Variants in NKAIN3 observed in about 807,000 individuals in gnomAD.
The protein encoded by NKAIN3 is sodium/potassium transporting ATPase interacting 3.
NKAIN3 carries 25 observed loss-of-function variants against 30.2 expected under a neutral mutation model. The observed-to-expected ratio is 0.83, with a 90% confidence interval of 0.60 to 1.16. NKAIN3 has a LOEUF of 1.16. Ranked by LOEUF, NKAIN3 falls within the 50% of genes most tolerant of loss-of-function variation. The pLI, the probability that NKAIN3 is intolerant of heterozygous loss-of-function variation, is 0.00. For synonymous variants in NKAIN3, 91 were observed against 89.6 expected (o/e 1.02, Z -0.09); for missense variants, 225 against 254.1 (o/e 0.89, Z 0.78).
rs977993717 is a variant in NKAIN3, at chr8:62,965,306, G to T, written c.604-48G>T. On this transcript the variant is annotated intron_variant, in intron 6 of 6. Coordinates refer to ENST00000623646, the MANE Select transcript of NKAIN3 (RefSeq NM_001304533.3). Reference sequence around the variant, plus strand: ...CCTCAATGAATATAAAAGATATTTAGCTGTCAGCTTTGAAGTTCTTGAAAG... The same window carrying T: ...CCTCAATGAATATAAAAGATATTTATCTGTCAGCTTTGAAGTTCTTGAAAG... 3.0e-6 allele frequency: 3 copies of T among 985,688 alleles called. No homozygotes were observed. In the African/African-American group the frequency reaches 5.2e-5, roughly 17 times the overall value. 61.1% of individuals were successfully genotyped at this position (985,688 alleles called of 1,614,324 possible).
At chr8:62,622,568 G>A (rs1360998030) in intron 3 of NKAIN3, among the ~76,000 whole-genome samples, 1 of 151,884 alleles carries the variant, frequency 6.6e-6, no homozygotes, top group Non-Finnish European at 1.5e-5. Flanking sequence ...GTGCTTATTT[G>A]CTGTTGATAA....
intron 3 of NKAIN3, among the ~76,000 whole-genome samples, chr8:62,632,504 A>C (rs1811991999): frequency 6.6e-6 from 1 of 152,020 alleles, no homozygotes; most frequent in Admixed American, 6.6e-5. Flanking sequence ...TGATTTACAA[A>C]TGTCTTTTTT....
At chr8:62,303,365 C>T (rs989240903) in intron 1 of NKAIN3, among the ~76,000 whole-genome samples, 1 of 150,412 alleles carries the variant, frequency 6.6e-6, no homozygotes, top group South Asian at 2.1e-4. Flanking sequence ...CATTTCCTAT[C>T]TCATGTATTT....
chr8:62,663,095 G>A (rs1373856788), intron 3 of NKAIN3, among the ~76,000 whole-genome samples: 2 of 152,198 alleles, frequency 1.3e-5, no homozygotes, highest in African/African-American at 4.8e-5. Flanking sequence ...GCATGGGAAG[G>A]CGTAAGAAAG....
intron 1 of NKAIN3, among the ~76,000 whole-genome samples, chr8:62,515,986 G>A (rs1346176086): frequency 6.6e-6 from 1 of 151,940 alleles, no homozygotes; most frequent in Admixed American, 6.6e-5. Flanking sequence ...ATCTTTCCCA[G>A]TCTGTGATCT....
intron 4 of NKAIN3, among the ~76,000 whole-genome samples, chr8:62,908,669 T>C (rs999562650): frequency 7.2e-5 from 11 of 152,174 alleles, no homozygotes; most frequent in Non-Finnish European, 1.5e-4. Context: ...CCTCCCACCA[T>C]GTAAGACATG....
At chr8:62,955,825 G>T (rs1823404618) in intron 6 of NKAIN3, among the ~76,000 whole-genome samples, 1 of 152,126 alleles carries the variant, frequency 6.6e-6, no homozygotes, top group Non-Finnish European at 1.5e-5. Context: ...AAAAGGCTTT[G>T]ATCAACTCCA....
intron 3 of NKAIN3, among the ~76,000 whole-genome samples, chr8:62,617,739 A>G (rs564441493): frequency 2.0e-5 from 3 of 152,212 alleles, no homozygotes; most frequent in African/African-American, 7.2e-5. Context: ...TATAGTCATT[A>G]TTGACAGCTT....
intron 3 of NKAIN3, among the ~76,000 whole-genome samples, chr8:62,665,465 C>T (rs1197967311): frequency 2.6e-5 from 4 of 152,200 alleles, no homozygotes; most frequent in Non-Finnish European, 1.5e-5. Context: ...CTATCACCTG[C>T]TTTGCATAAT....
At chr8:62,684,458 C>T (rs1025419939) in intron 3 of NKAIN3, among the ~76,000 whole-genome samples, 2 of 152,110 alleles carry the variant, frequency 1.3e-5, no homozygotes, top group Non-Finnish European at 2.9e-5. Context: ...CCTTGTTAGT[C>T]TGAGTGTGTA....
intron 4 of NKAIN3, among the ~76,000 whole-genome samples, chr8:62,797,113 C>A (rs1817887115): frequency 6.6e-6 from 1 of 152,152 alleles, no homozygotes; most frequent in South Asian, 2.1e-4. Context: ...AGCAGAATTT[C>A]TTTGTTTCCG....
Position 62,428,406 on chromosome 8 carries a change from G to T in NKAIN3, c.55-151133G>T, listed in dbSNP as rs77194869. ...ATGGTAGTTCTACTTTTAGTTTTTT[G>T]AAAAACCTCCATATGAGTTTTCACA... is the stretch of plus-strand genomic sequence containing the variant. On this transcript the variant is annotated intron_variant, in intron 1 of 6. Coordinates refer to ENST00000623646, the MANE Select transcript of NKAIN3 (RefSeq NM_001304533.3). Among the ~76,000 whole-genome samples the T allele has an allele frequency of 2.2e-3, 334 of 151,784 alleles. 2 individuals carry two copies. Among genetic ancestry groups the T allele is most frequent in the African/African-American group, 7.1e-3 (293 of 41,466 alleles).
rs543552203 is a variant in NKAIN3, at chr8:62,562,877, A to G, written c.55-16662A>G. Reference sequence around the variant, plus strand: ...GAAGAACTCCTTGCAGGTGGTCTCTATCACAAATAAACATGAGAAAAGGTT... The same window carrying G: ...GAAGAACTCCTTGCAGGTGGTCTCTGTCACAAATAAACATGAGAAAAGGTT... On this transcript the variant is annotated intron_variant, in intron 1 of 6. Transcript: ENST00000623646. Among the ~76,000 whole-genome samples, 8 of 152,300 alleles carry G rather than the reference A, an allele frequency of 5.3e-5. No homozygotes were observed. In the South Asian group the frequency reaches 1.7e-3, roughly 32 times the overall value.
chr8:62,373,536 C>A (rs746668854), intron 1 of NKAIN3, among the ~76,000 whole-genome samples: 1 of 152,124 alleles, frequency 6.6e-6, no homozygotes, highest in Non-Finnish European at 1.5e-5. Flanking sequence ...AAATTTAGAA[C>A]CCTTCCAAAC....
chr8:62,341,293 T>C (rs1001491032), intron 1 of NKAIN3, among the ~76,000 whole-genome samples: 2 of 152,084 alleles, frequency 1.3e-5, no homozygotes, highest in African/African-American at 4.8e-5. Context: ...TTTATGATGT[T>C]AATTTTATAA....
chr8:62,416,452 C>G (rs1438328392), intron 1 of NKAIN3, among the ~76,000 whole-genome samples: 1 of 152,130 alleles, frequency 6.6e-6, no homozygotes, highest in East Asian at 1.9e-4. Context: ...TTAGAATGAT[C>G]TTAACCTGTT....
chr8:62,267,738 A>G (rs565181697), intron 1 of NKAIN3, among the ~76,000 whole-genome samples: 1 of 152,226 alleles, frequency 6.6e-6, no homozygotes, highest in Non-Finnish European at 1.5e-5. Context: ...TTTTGGTCAT[A>G]GGAAGCAGAG....
chr8:62,377,875 T>C (rs1197878976), intron 1 of NKAIN3, among the ~76,000 whole-genome samples: 2 of 152,190 alleles, frequency 1.3e-5, no homozygotes, highest in African/African-American at 2.4e-5. Context: ...TTTTGGGTAT[T>C]GCTTCATAGT....
chr8:62,325,647 G>GT (rs1815091868), intron 1 of NKAIN3, among the ~76,000 whole-genome samples: 2 of 151,964 alleles, frequency 1.3e-5, no homozygotes, highest in Non-Finnish European at 2.9e-5. Context: ...AACATCTGTT[G>GT]TTTTTTGACT....
Sources: gnomAD v4.1 joint callset for allele counts (sites outside exome capture counted in the v4.1 genomes callset) on GRCh38, gnomAD v4.1.1 for gene constraint, MANE v1.5 for transcripts, NCBI Gene and HGNC (gene_info 2026-07-23, HGNC 2026-07-21) for gene names.